ENOX1: variants seen among roughly 807,000 people sequenced by gnomAD.
ENOX1 encodes candidate growth-related and time keeping constitutive hydroquinone (NADH) oxidase.
In ENOX1, 42 loss-of-function variants were observed where a neutral mutation model predicts 82.5. That is an observed-to-expected ratio of 0.51 (90% CI 0.40 to 0.66). The LOEUF (loss-of-function observed/expected upper bound fraction) is 0.66. Ranked by LOEUF, ENOX1 falls within the 30% of genes least tolerant of loss-of-function variation. The pLI is 0.00. For synonymous variants in ENOX1, 271 were observed against 282.2 expected, an observed-to-expected ratio of 0.96 and a Z score of 0.40; for missense variants, 608 against 811.6, an observed-to-expected ratio of 0.75 and a Z score of 3.05.
chr13:43,641,162 T>G (rs1372742643), intron 2 of ENOX1, among the ~76,000 whole-genome samples: 1 of 152,186 alleles, frequency 6.6e-6, no homozygotes, highest in Non-Finnish European at 1.5e-5. Context: ...AAGGTATATC[T>G]GATCAGGAAA....
At chr13:43,445,186 C>T (rs190544020) in intron 3 of ENOX1, among the ~76,000 whole-genome samples, 8 of 150,094 alleles carry the variant, frequency 5.3e-5, no homozygotes, top group East Asian at 2.0e-4. Flanking sequence ...CACAGTGGCA[C>T]GATCTCGGCT....
At chr13:43,526,934 C>A (rs2078013292) in intron 2 of ENOX1, among the ~76,000 whole-genome samples, 1 of 152,022 alleles carries the variant, frequency 6.6e-6, no homozygotes, top group African/African-American at 2.4e-5. Context: ...GGCCCTCTTG[C>A]CCTTCTGCCG....
chr13:43,273,925 GAATA>G (rs1404504550), intron 12 of ENOX1, among the ~76,000 whole-genome samples: 5 of 152,060 alleles, frequency 3.3e-5, no homozygotes, highest in African/African-American at 1.2e-4. Flanking sequence ...GCTGCTGAAT[GAATA>G]AATGAATAAA....
chr13:43,594,008 C>G (rs535853260), intron 2 of ENOX1, among the ~76,000 whole-genome samples: 122 of 152,146 alleles, frequency 8.0e-4, no homozygotes, highest in African/African-American at 2.8e-3. Context: ...CTTACTGCGC[C>G]CAACAACGCC....
intron 2 of ENOX1, among the ~76,000 whole-genome samples, chr13:43,488,342 T>C (rs1389520362): frequency 6.6e-6 from 1 of 152,186 alleles, no homozygotes; most frequent in Non-Finnish European, 1.5e-5. Flanking sequence ...CACAGCAATA[T>C]TCCCCTCCAG....
intron 3 of ENOX1, among the ~76,000 whole-genome samples, chr13:43,417,573 C>T (rs1239281717): frequency 6.6e-6 from 1 of 152,180 alleles, no homozygotes; most frequent in Non-Finnish European, 1.5e-5. Context: ...CCTAATTTAT[C>T]ATTCACATCA....
At chr13:43,740,962 T>C (rs2089879847) in intron 1 of ENOX1, among the ~76,000 whole-genome samples, 1 of 152,240 alleles carries the variant, frequency 6.6e-6, no homozygotes, top group African/African-American at 2.4e-5. Flanking sequence ...GTACTAGTTT[T>C]GTGCAGACAC....
At chr13:43,385,006 G>T (rs190894000) in intron 5 of ENOX1, among the ~76,000 whole-genome samples, 1 of 152,280 alleles carries the variant, frequency 6.6e-6, no homozygotes, top group Admixed American at 6.5e-5. Context: ...GGAAAAAAAA[G>T]TGTGTGGTAT....
intron 5 of ENOX1, among the ~76,000 whole-genome samples, chr13:43,396,644 G>T (rs1341747727): frequency 6.6e-6 from 1 of 152,112 alleles, no homozygotes; most frequent in Non-Finnish European, 1.5e-5. Flanking sequence ...GCCTCCCAAA[G>T]TGCTGGGATT....
Position 43,643,633 on chromosome 13 carries a change from G to GTATA in ENOX1, c.-219+23842_-219+23845dup, listed in dbSNP as rs201615502. On this transcript the variant is annotated intron_variant, in intron 2 of 16. Coordinates refer to ENST00000690772, the MANE Select transcript of ENOX1 (RefSeq NM_001347969.2). ...CATGTATATGTATGTATGTGTGTGT[G>GTATA]TATATATATATATATACACACACAT... Among the ~76,000 whole-genome samples, 140 of 148,930 alleles carry GTATA rather than the reference G, an allele frequency of 9.4e-4. 1 individual carries two copies. The South Asian group carries it at 0.014, about 15-fold the overall frequency.
At chr13:43,682,635 A>T (rs1467358772) in intron 1 of ENOX1, among the ~76,000 whole-genome samples, 1 of 152,204 alleles carries the variant, frequency 6.6e-6, no homozygotes, top group Admixed American at 6.6e-5. Flanking sequence ...GCAAAAATTA[A>T]ACACTCAAAG....
chr13:43,782,350 T>C lies in ENOX1; in HGVS notation c.-285+4302A>G, dbSNP rs548410778. 2.0e-5 allele frequency among the ~76,000 whole-genome samples: 3 copies of C among 152,326 alleles called. No individual in the cohort carries two copies. The East Asian group carries it at 5.8e-4, about 29-fold the overall frequency. ...TTAAATTCAGATTAATCCTAGTGGATCTGAAACAAGTACTTCTCCTAGACA... is the reference window on the plus strand; with the variant it reads ...TTAAATTCAGATTAATCCTAGTGGACCTGAAACAAGTACTTCTCCTAGACA... On this transcript the variant is annotated intron_variant, in intron 1 of 16. Coordinates refer to ENST00000690772, the MANE Select transcript of ENOX1 (RefSeq NM_001347969.2).
At chr13:43,243,352 T>C (rs1268493041) in intron 14 of ENOX1, among the ~76,000 whole-genome samples, 1 of 152,174 alleles carries the variant, frequency 6.6e-6, no homozygotes. Context: ...ATCCCCTAAG[T>C]GCTTTTAAGA....
In ENOX1 at chr13:43,287,429, A is replaced by T. The variant is rs2045760386; in HGVS notation, c.1446+10917T>A. ...GTCCTCACGTACATGATCACATGTG[A>T]TGTATGATTTTATCGTAGCAAGCCC... On this transcript the variant is annotated intron_variant, in intron 12 of 16. Transcript: ENST00000690772. Among the ~76,000 whole-genome samples, 5 of 152,194 alleles carry T rather than the reference A, an allele frequency of 3.3e-5. 1 individual carries two copies. Among genetic ancestry groups the T allele is most frequent in the Admixed American group, 2.0e-4 (3 of 15,270 alleles).
At chr13:43,731,218 A>G (rs550690267) in intron 1 of ENOX1, among the ~76,000 whole-genome samples, 124 of 152,236 alleles carry the variant, frequency 8.1e-4, no homozygotes, top group African/African-American at 2.9e-3. Flanking sequence ...TTTGCCATAC[A>G]CTAAAAATTA....
intron 3 of ENOX1, among the ~76,000 whole-genome samples, chr13:43,443,983 G>A (rs562722564): frequency 7.9e-5 from 12 of 152,282 alleles, no homozygotes; most frequent in Non-Finnish European, 1.3e-4. Flanking sequence ...GATCCTAGCT[G>A]TTTAGGAAGT....
chr13:43,237,706 T>G (rs561381551), intron 14 of ENOX1, among the ~76,000 whole-genome samples: 1 of 152,172 alleles, frequency 6.6e-6, no homozygotes, highest in African/African-American at 2.4e-5. Flanking sequence ...GATATTTAGA[T>G]AGTTAGTACA....
chr13:43,293,402 T>C (rs552843936), intron 12 of ENOX1, among the ~76,000 whole-genome samples: 12 of 151,690 alleles, frequency 7.9e-5, no homozygotes, highest in Non-Finnish European at 1.3e-4. Flanking sequence ...ACCCCCACCA[T>C]AGTCACCAAA....
At chr13:43,289,230 T>C (rs994607787) in intron 12 of ENOX1, among the ~76,000 whole-genome samples, 5 of 152,128 alleles carry the variant, frequency 3.3e-5, no homozygotes, top group African/African-American at 1.2e-4. Flanking sequence ...ATAAAATTCA[T>C]ATGGAACCAA....
Sources: allele counts gnomAD v4.1 joint callset (sites outside exome capture counted in the v4.1 genomes callset), GRCh38; gene constraint gnomAD v4.1.1; transcripts MANE v1.5; gene names NCBI Gene and HGNC (gene_info 2026-07-23, HGNC 2026-07-21).